The following THSD4 variants were observed in gnomAD, a reference collection of about 807,000 sequenced individuals.
THSD4 encodes the protein thrombospondin type-1 domain-containing protein 4.
In THSD4, 69 loss-of-function variants were observed where a neutral mutation model predicts 119.0. That is an observed-to-expected ratio of 0.58 (90% CI 0.48 to 0.71). The LOEUF (loss-of-function observed/expected upper bound fraction) is 0.71. Among genes scored for constraint, THSD4 ranks in the 30% least tolerant of loss-of-function variants. THSD4 has a pLI of 0.00. For synonymous variants in THSD4, 524 were observed against 540.4 expected (o/e 0.97, Z 0.42); for missense variants, 1,393 against 1,391.1 (o/e 1.00, Z -0.02).
At chr15:71,627,082 C>CT (rs36125208) in intron 7 of THSD4, among the ~76,000 whole-genome samples, 55,601 of 151,202 alleles carry the variant, frequency 0.37, 10,549 homozygotes, top group Middle Eastern at 0.43. Flanking sequence ...TTTTGACACT[C>CT]TTTTTTTTTA....
At chr15:71,558,951 T>C (rs1231088434) in intron 7 of THSD4, among the ~76,000 whole-genome samples, 3 of 152,218 alleles carry the variant, frequency 2.0e-5, no homozygotes, top group Non-Finnish European at 2.9e-5. Context: ...CTGAGATTTG[T>C]TGAGACTTGC....
rs1274196778 is a variant in THSD4 at position 71,780,599 on chromosome 15, G to T, written c.*3225G>T. 2.2e-6 allele frequency: 1 copy of T among 453,238 alleles called. No individual in the cohort carries two copies. The highest frequency in any genetic ancestry group is 4.4e-6 in the Non-Finnish European group (1 of 225,784). The allele number at this position is 453,238 out of a possible 1,614,324, so 28.1% of individuals were successfully genotyped here. A position where few individuals can be genotyped will look rare whatever the true frequency, so the allele number is the denominator to read the frequency against. ...AGGGAGTCAGTTCAGTTCCGTAAAG[G>T]TATGCTCAGTGCCCGCTGCCTGCAA... On this transcript the variant is annotated 3_prime_UTR_variant, in exon 18 of 18. Transcript: ENST00000261862.
chr15:71,111,046 A>G, upstream of THSD4: 1 of 1,299,424 alleles, frequency 7.7e-7, no homozygotes, highest in Non-Finnish European at 1.1e-6. Context: ...GATCCGGGTG[A>G]TGCCTCTTGG....
At chr15:71,691,459 G>T (rs1440535929) in intron 8 of THSD4, among the ~76,000 whole-genome samples, 1 of 152,256 alleles carries the variant, frequency 6.6e-6, no homozygotes, top group African/African-American at 2.4e-5. Flanking sequence ...TCGTTAAGGA[G>T]CAGCTTGTCT....
intron 6 of THSD4, among the ~76,000 whole-genome samples, chr15:71,314,161 T>C (rs948557122): frequency 6.6e-6 from 1 of 152,184 alleles, no homozygotes; most frequent in Non-Finnish European, 1.5e-5. Context: ...AAAGGTTTAA[T>C]AGTTACAGTT....
chr15:71,412,103 A>G (rs1483939023), intron 7 of THSD4, among the ~76,000 whole-genome samples: 1 of 152,200 alleles, frequency 6.6e-6, no homozygotes, highest in Non-Finnish European at 1.5e-5. Flanking sequence ...AATCTTTGCG[A>G]GTTGGATCTG....
At chr15:71,596,534 T>C (rs4777414) in intron 7 of THSD4, among the ~76,000 whole-genome samples, 16,677 of 152,204 alleles carry the variant, frequency 0.11, 984 homozygotes, top group South Asian at 0.17. Flanking sequence ...TAGTATCAAC[T>C]TAACACTGGC....
chr15:71,346,594 A>G (rs565806581), intron 6 of THSD4, among the ~76,000 whole-genome samples: 3 of 152,144 alleles, frequency 2.0e-5, no homozygotes, highest in Non-Finnish European at 4.4e-5. Flanking sequence ...TACCAGTCCT[A>G]GCCCTGGAAT....
At chr15:71,591,920 A>G (rs575936465) in intron 7 of THSD4, among the ~76,000 whole-genome samples, 304 of 152,268 alleles carry the variant, frequency 2.0e-3, no homozygotes, top group Non-Finnish European at 3.9e-3. Flanking sequence ...TGTGGGCCTG[A>G]TGGGTGACAG....
At chr15:71,677,462 G>T (rs1293865585) in intron 8 of THSD4, among the ~76,000 whole-genome samples, 1 of 152,216 alleles carries the variant, frequency 6.6e-6, no homozygotes, top group East Asian at 1.9e-4. Context: ...GAAAGATGCT[G>T]TTGTTTGTTT....
intron 6 of THSD4, among the ~76,000 whole-genome samples, chr15:71,287,274 G>T (rs1014055894): frequency 2.0e-5 from 3 of 152,140 alleles, no homozygotes; most frequent in African/African-American, 7.2e-5. Flanking sequence ...ATGGGAGAAA[G>T]TTCATTGTTT....
At chr15:71,545,720 A>AG (rs1377119566) in intron 7 of THSD4, among the ~76,000 whole-genome samples, 1 of 152,214 alleles carries the variant, frequency 6.6e-6, no homozygotes, top group Non-Finnish European at 1.5e-5. Flanking sequence ...AAGGAGGAAG[A>AG]GGAAAAATTC....
At chr15:71,430,808 C>T (rs2140532337) in intron 7 of THSD4, among the ~76,000 whole-genome samples, 1 of 148,096 alleles carries the variant, frequency 6.8e-6, no homozygotes, top group Admixed American at 6.7e-5. Flanking sequence ...TTACCTACCA[C>T]GGGGCAGCCA....
intron 7 of THSD4, among the ~76,000 whole-genome samples, chr15:71,490,559 C>CA (rs11408465): frequency 0.27 from 24,114 of 90,386 alleles, 3,354 homozygotes; most frequent in Non-Finnish European, 0.29. Context: ...GACTCCGTCT[C>CA]AAAAAAAAAA....
chr15:71,596,612 T>A (rs1192955995), intron 7 of THSD4, among the ~76,000 whole-genome samples: 1 of 152,238 alleles, frequency 6.6e-6, no homozygotes, highest in Admixed American at 6.5e-5. Context: ...GTGGGAACTC[T>A]TTGAATTCTA....
At chr15:71,440,012 A>G (rs936760355) in intron 7 of THSD4, among the ~76,000 whole-genome samples, 5 of 152,076 alleles carry the variant, frequency 3.3e-5, no homozygotes, top group African/African-American at 1.2e-4. Flanking sequence ...CTTAAAGTAT[A>G]ATAATAATAA....
At chr15:71,307,888 C>T (rs113759406) in intron 6 of THSD4, among the ~76,000 whole-genome samples, 2,362 of 152,310 alleles carry the variant, frequency 0.016, 18 homozygotes, top group Middle Eastern at 0.024. Context: ...AAATCAGGCA[C>T]AGGATTCTAG....
rs2053148746 is a variant in THSD4 at position 71,737,889 on chromosome 15, A to C, written c.1788A>C (p.Arg596Ser). 1 of 1,614,106 alleles carries C rather than the reference A, an allele frequency of 6.2e-7. No individual in the cohort carries two copies. The highest frequency in any genetic ancestry group is 8.5e-7 in the Non-Finnish European group (1 of 1,180,052). ...CCTTCCCAGTCAGGCATCCAGACAG[A>C]TTTTCTCCCCATCGACCGGACAACT... is the stretch of plus-strand genomic sequence containing the variant. Reference protein sequence around the residue: ...AQTFPVRHPDRFSPHRPDNLV... With the variant: ...AQTFPVRHPDSFSPHRPDNLV... Residue 596 changes from arginine (R) to serine (S), a missense_variant, in exon 11 of 18, where the codon AGA (arginine) becomes AGC (serine). Transcript: ENST00000261862.
rs111555492 is a variant in THSD4, at chr15:71,121,363, CT to C, written c.-80+5679del. Among the ~76,000 whole-genome samples the C allele has an allele frequency of 5.2e-3, 751 of 144,520 alleles. 3 individuals are homozygous for C. The highest frequency in any genetic ancestry group is 0.018 in the Middle Eastern group (5 of 272). The allele number at this position is 144,520 out of a possible 152,430, so 94.8% of individuals were successfully genotyped here. ...AGTGCCACTTGAATGTTAGCTATCACTTTTTTTTTTTTTTCCCCACTTTGGC... is the reference window on the plus strand; with the variant it reads ...AGTGCCACTTGAATGTTAGCTATCACTTTTTTTTTTTTTCCCCACTTTGGC... On this transcript the variant is annotated intron_variant, in intron 1 of 17. Transcript: ENST00000261862.
Sources: gnomAD v4.1 joint callset for allele counts (sites outside exome capture counted in the v4.1 genomes callset) on GRCh38, gnomAD v4.1.1 for gene constraint, MANE v1.5 for transcripts, NCBI Gene and HGNC (gene_info 2026-07-23, HGNC 2026-07-21) for gene names.